The following SLC8A1 variants were observed in gnomAD, a reference collection of about 807,000 sequenced individuals.
The protein encoded by SLC8A1 is solute carrier family 8 member A1.
A neutral mutation model predicts 68.3 loss-of-function variants in SLC8A1; 18 were observed. The ratio of observed to expected loss-of-function variants is 0.26; its 90% confidence interval spans 0.18 to 0.39. SLC8A1 has a LOEUF of 0.39. Ranked by LOEUF, SLC8A1 falls within the 10% of genes least tolerant of loss-of-function variation. The pLI is 1.00. For missense variants in SLC8A1, 985 were observed against 1,156.7 expected (o/e 0.85, Z 2.15); for synonymous variants, 475 against 415.5 (o/e 1.14, Z -1.74).
chr2:40,327,861 C>T (rs557461237), intron 2 of SLC8A1, among the ~76,000 whole-genome samples: 37 of 152,056 alleles, frequency 2.4e-4, no homozygotes, highest in South Asian at 6.2e-4. Context: ...ATGCAATATA[C>T]CCATGTAACA....
intron 2 of SLC8A1, among the ~76,000 whole-genome samples, chr2:40,261,445 A>C (rs983989029): frequency 3.9e-5 from 6 of 152,312 alleles, no homozygotes; most frequent in South Asian, 4.1e-4. Context: ...ATTTTGCTGG[A>C]GTTCTACTGA....
At chr2:40,343,508 C>A (rs1309110857) in intron 2 of SLC8A1, among the ~76,000 whole-genome samples, 2 of 152,170 alleles carry the variant, frequency 1.3e-5, no homozygotes, top group Non-Finnish European at 2.9e-5. Context: ...CTGTTCTATT[C>A]ACTTAAAAGT....
At chr2:40,382,179 G>A (rs1682046726) in intron 2 of SLC8A1, among the ~76,000 whole-genome samples, 1 of 152,076 alleles carries the variant, frequency 6.6e-6, no homozygotes, top group Non-Finnish European at 1.5e-5. Context: ...ACTAGACTGT[G>A]AATTCATCCA....
intron 1 of SLC8A1, among the ~76,000 whole-genome samples, chr2:40,448,450 A>G (rs1433635907): frequency 6.6e-6 from 1 of 152,202 alleles, no homozygotes. Context: ...ATGGGTCAGA[A>G]AACACCTGAT....
intron 2 of SLC8A1, among the ~76,000 whole-genome samples, chr2:40,413,212 G>C (rs896977172): frequency 4.6e-5 from 7 of 152,130 alleles, no homozygotes; most frequent in Admixed American, 3.9e-4. Flanking sequence ...CAGGGATCTA[G>C]AACTAGAAAT....
At chr2:40,333,973 G>T (rs62150833) in intron 2 of SLC8A1, among the ~76,000 whole-genome samples, 5,472 of 152,204 alleles carry the variant, frequency 0.036, 101 homozygotes, top group Middle Eastern at 0.068. Context: ...ACTTGAACCT[G>T]GGTGACAGAG....
At chr2:40,391,142 AATATAT>A (rs56902340) in intron 2 of SLC8A1, among the ~76,000 whole-genome samples, 2 of 148,852 alleles carry the variant, frequency 1.3e-5, no homozygotes, top group Middle Eastern at 3.2e-3. Flanking sequence ...TTCTCCTTAA[AATATAT>A]ATATATATAA....
chr2:40,311,443 T>TATA (rs3059522), intron 2 of SLC8A1, among the ~76,000 whole-genome samples: 77,181 of 151,632 alleles, frequency 0.51, 22,196 homozygotes, highest in African/African-American at 0.77. Flanking sequence ...GATGCATTCA[T>TATA]ATGAGAAAAT....
At chr2:40,208,604 T>G (rs1315095608) in intron 2 of SLC8A1, among the ~76,000 whole-genome samples, 1 of 152,092 alleles carries the variant, frequency 6.6e-6, no homozygotes, top group Non-Finnish European at 1.5e-5. Context: ...TAAAATTATA[T>G]AGAGGGTAAT....
At chr2:40,505,368 A>C (rs1706305797) in intron 1 of SLC8A1, among the ~76,000 whole-genome samples, 1 of 151,900 alleles carries the variant, frequency 6.6e-6, no homozygotes, top group African/African-American at 2.4e-5. Context: ...AACTCAAAGG[A>C]TAGATGCTTG....
intron 2 of SLC8A1, among the ~76,000 whole-genome samples, chr2:40,212,419 G>T (rs554208603): frequency 4.4e-4 from 67 of 151,932 alleles, no homozygotes; most frequent in African/African-American, 1.6e-3. Context: ...CATGTAGCTG[G>T]GACTACAGGT....
At chr2:40,468,929 G>C (rs1336664140) in intron 1 of SLC8A1, among the ~76,000 whole-genome samples, 1 of 151,862 alleles carries the variant, frequency 6.6e-6, no homozygotes, top group African/African-American at 2.4e-5. Context: ...AATAAATAAA[G>C]AAAATCAAAA....
chr2:40,232,614 A>T (rs35289546), intron 2 of SLC8A1, among the ~76,000 whole-genome samples: 20,893 of 94,706 alleles, frequency 0.22, 1,972 homozygotes, highest in African/African-American at 0.33. Context: ...TTTTTTTTTT[A>T]TATACTTTAA....
chr2:40,511,210 A>C (rs1273263162), intron 1 of SLC8A1, among the ~76,000 whole-genome samples: 1 of 152,166 alleles, frequency 6.6e-6, no homozygotes, highest in Non-Finnish European at 1.5e-5. Context: ...CAATTGGTTC[A>C]AATCTTATTT....
At chr2:40,231,598 C>G (rs1240142418) in intron 2 of SLC8A1, among the ~76,000 whole-genome samples, 2 of 152,058 alleles carry the variant, frequency 1.3e-5, no homozygotes, top group Non-Finnish European at 2.9e-5. Flanking sequence ...GTGTTCTCAC[C>G]TTTGTCTTAC....
intron 2 of SLC8A1, among the ~76,000 whole-genome samples, chr2:40,204,481 A>C (rs1415820544): frequency 6.6e-6 from 1 of 152,004 alleles, no homozygotes; most frequent in East Asian, 1.9e-4. Flanking sequence ...GCTGAAAGAA[A>C]AACAACCATA....
At chr2:40,282,859 C>G (rs891385418) in intron 2 of SLC8A1, among the ~76,000 whole-genome samples, 2 of 152,128 alleles carry the variant, frequency 1.3e-5, no homozygotes, top group African/African-American at 4.8e-5. Context: ...TTCTTCCCAT[C>G]CCATACCCCG....
chr2:40,252,307 G>GTT (rs774937738), intron 2 of SLC8A1, among the ~76,000 whole-genome samples: 2 of 147,268 alleles, frequency 1.4e-5, no homozygotes. Context: ...TATGTGTGCA[G>GTT]TTTTTTTTTT....
At chr2:40,100,894 G>C (rs1199032770) in exon 8 of SLC8A1, 1 of 152,086 alleles carries the variant, frequency 6.6e-6, no homozygotes, top group Non-Finnish European at 1.5e-5. Flanking sequence ...TCTCCTAAGG[G>C]AGGCCTGGAG....
Sources: allele counts gnomAD v4.1 joint callset (sites outside exome capture counted in the v4.1 genomes callset), GRCh38; gene constraint gnomAD v4.1.1; transcripts MANE v1.5; gene names NCBI Gene and HGNC (gene_info 2026-07-23, HGNC 2026-07-21).